Variants in SPIRE1 observed in about 807,000 individuals in gnomAD.
SPIRE1 encodes protein spire homolog 1.
In SPIRE1, 40 loss-of-function variants were observed where a neutral mutation model predicts 94.1. The observed-to-expected ratio is 0.43, with a 90% CI of 0.33 to 0.55. The LOEUF (loss-of-function observed/expected upper bound fraction) is 0.55. Among genes scored for constraint, SPIRE1 ranks in the 20% least tolerant of loss-of-function variants. SPIRE1 has a pLI of 0.06. For missense variants in SPIRE1, 838 were observed against 975.2 expected (o/e 0.86, Z 1.87); for synonymous variants, 376 against 371.7 (o/e 1.01, Z -0.13).
chr18:12,594,046 C>T (rs1357496800), intron 2 of SPIRE1, among the ~76,000 whole-genome samples: 1 of 151,952 alleles, frequency 6.6e-6, no homozygotes, highest in African/African-American at 2.4e-5. Flanking sequence ...GCCTATGATG[C>T]ACATTGGAAG....
intron 12 of SPIRE1, among the ~76,000 whole-genome samples, chr18:12,461,613 A>G (rs576676783): frequency 6.6e-4 from 100 of 151,912 alleles, no homozygotes; most frequent in Non-Finnish European, 1.2e-3. Context: ...ACATATACAC[A>G]CACATACACA....
intron 8 of SPIRE1, among the ~76,000 whole-genome samples, chr18:12,492,014 T>A (rs994929921): frequency 1.3e-5 from 2 of 152,184 alleles, no homozygotes; most frequent in Non-Finnish European, 2.9e-5. Flanking sequence ...AGTTCACTTG[T>A]GGAAATATTG....
chr18:12,527,421 A>G (rs2034553424), intron 4 of SPIRE1, among the ~76,000 whole-genome samples: 1 of 152,212 alleles, frequency 6.6e-6, no homozygotes, highest in Non-Finnish European at 1.5e-5. Flanking sequence ...TAACATAAAC[A>G]AAGGATGAGA....
At chr18:12,619,008 C>T (rs1567971299) in intron 2 of SPIRE1, among the ~76,000 whole-genome samples, 2 of 151,966 alleles carry the variant, frequency 1.3e-5, no homozygotes, top group East Asian at 3.9e-4. Context: ...CCTCAGCCTC[C>T]TGAGTAGCTG....
chr18:12,594,195 A>G (rs2036610310), intron 2 of SPIRE1, among the ~76,000 whole-genome samples: 2 of 152,102 alleles, frequency 1.3e-5, no homozygotes, highest in African/African-American at 4.8e-5. Flanking sequence ...AGTTAAAGAG[A>G]AGATGAAGCT....
At chr18:12,504,463 C>T (rs1396568986) in intron 6 of SPIRE1, among the ~76,000 whole-genome samples, 5 of 152,112 alleles carry the variant, frequency 3.3e-5, no homozygotes, top group East Asian at 1.9e-4. Flanking sequence ...GCCAAGATCA[C>T]GCCACTGCAC....
intron 2 of SPIRE1, among the ~76,000 whole-genome samples, chr18:12,582,553 C>T (rs11663958): frequency 0.56 from 84,635 of 151,844 alleles, 24,709 homozygotes; most frequent in Middle Eastern, 0.75. Context: ...AAGCAAGAGT[C>T]GCAAGTGTGT....
At chr18:12,450,265 G>A (rs1220030120) in intron 16 of SPIRE1, among the ~76,000 whole-genome samples, 2 of 151,968 alleles carry the variant, frequency 1.3e-5, no homozygotes, top group East Asian at 3.9e-4. Context: ...AGGCTGAGGC[G>A]GGAGAATCGC....
rs79615847 is a variant in SPIRE1, at chr18:12,591,369, A to G, written c.372+43693T>C. On this transcript the variant is annotated intron_variant, in intron 2 of 16. Transcript: ENST00000409402. ...GAGAAAAAGCATGAAATGAGAGGTC[A>G]TGGAGCACCAGGTCACACAGGGCCT... Among the ~76,000 whole-genome samples, 1,211 of 152,340 alleles carry G rather than the reference A, an allele frequency of 7.9e-3. 8 individuals are homozygous for G. The highest frequency in any genetic ancestry group is 0.014 in the Admixed American group (212 of 15,314).
At chr18:12,621,111 A>G (rs559255020) in intron 2 of SPIRE1, among the ~76,000 whole-genome samples, 36 of 152,320 alleles carry the variant, frequency 2.4e-4, no homozygotes, top group African/African-American at 8.4e-4. Context: ...ACAATGGTCA[A>G]CAACCACATG....
At chr18:12,552,935 C>T (rs2035397085) in intron 2 of SPIRE1, among the ~76,000 whole-genome samples, 1 of 152,174 alleles carries the variant, frequency 6.6e-6, no homozygotes, top group South Asian at 2.1e-4. Context: ...ACCCCCATTC[C>T]AGGCCCCAGC....
At chr18:12,525,313 A>G (rs991447538) in intron 4 of SPIRE1, among the ~76,000 whole-genome samples, 7 of 148,158 alleles carry the variant, frequency 4.7e-5, no homozygotes, top group Non-Finnish European at 9.0e-5. Context: ...AATAATAATA[A>G]TAATAACAAA....
intron 10 of SPIRE1, among the ~76,000 whole-genome samples, chr18:12,477,411 C>T (rs1050041467): frequency 8.5e-5 from 13 of 152,076 alleles, no homozygotes; most frequent in Non-Finnish European, 1.6e-4. Flanking sequence ...GGAGTGGCTA[C>T]CGAATTGGAG....
At chr18:12,615,324 T>A (rs2037255632) in intron 2 of SPIRE1, among the ~76,000 whole-genome samples, 2 of 2,228 alleles carry the variant, frequency 9.0e-4, no homozygotes, top group Non-Finnish European at 1.2e-3. Flanking sequence ...TGAAACTCTG[T>A]CTCAAAAAAA....
chr18:12,566,799 A>G (rs2035831358), intron 2 of SPIRE1, among the ~76,000 whole-genome samples: 1 of 152,134 alleles, frequency 6.6e-6, no homozygotes, highest in Non-Finnish European at 1.5e-5. Flanking sequence ...ACCCTCTACA[A>G]TCTACCTCAG....
chr18:12,535,709 C>CT, intron 3 of SPIRE1, 108 bp from the exon 4 acceptor site: 1 of 1,023,774 alleles, frequency 9.8e-7, no homozygotes, highest in Non-Finnish European at 1.4e-6. Flanking sequence ...GTAATCCCAG[C>CT]ACTTTGGGAG....
intron 3 of SPIRE1, among the ~76,000 whole-genome samples, chr18:12,539,120 T>C (rs2034929091): frequency 6.6e-6 from 1 of 152,236 alleles, no homozygotes; most frequent in Admixed American, 6.5e-5. Flanking sequence ...AAATGCCAAC[T>C]ACGTACCAGG....
chr18:12,508,159 T>C (rs2033902648), intron 5 of SPIRE1, among the ~76,000 whole-genome samples: 1 of 147,486 alleles, frequency 6.8e-6, no homozygotes, highest in Non-Finnish European at 1.5e-5. Flanking sequence ...AAATAAAAAA[T>C]AAAAAAAAAA....
At chr18:12,572,033 G>C (rs1457021473) in intron 2 of SPIRE1, among the ~76,000 whole-genome samples, 1 of 152,160 alleles carries the variant, frequency 6.6e-6, no homozygotes, top group African/African-American at 2.4e-5. Context: ...AAGATCAGTA[G>C]GAGTTATACA....
Sources: gnomAD v4.1 joint callset for allele counts (sites outside exome capture counted in the v4.1 genomes callset) on GRCh38, gnomAD v4.1.1 for gene constraint, MANE v1.5 for transcripts, NCBI Gene and HGNC (gene_info 2026-07-23, HGNC 2026-07-21) for gene names.